Variants in PSD3 observed in about 807,000 individuals in gnomAD.
PSD3 encodes pleckstrin and Sec7 domain containing 3.
PSD3 carries 49 observed loss-of-function variants against 105.5 expected under a neutral mutation model. That is an observed-to-expected ratio of 0.46 (90% CI 0.37 to 0.59). The LOEUF (loss-of-function observed/expected upper bound fraction) is 0.59, where lower values mean the gene tolerates loss of function less well. PSD3 is among the 20% of genes least tolerant of loss of function. The pLI is 0.00. For synonymous variants in PSD3, 557 were observed against 457.8 expected (o/e 1.22, Z -2.77); for missense variants, 1,561 against 1,263.8 (o/e 1.24, Z -3.57).
rs917747489 is a variant in PSD3, at chr8:18,766,256, C to T, written c.2083-718G>A. 7.2e-5 allele frequency among the ~76,000 whole-genome samples: 11 copies of T among 152,240 alleles called. No individual in the cohort carries two copies. In the South Asian group the frequency reaches 1.9e-3, roughly 26 times the overall value. ...GGTTGAGGCATGAGAATCACTTGAA[C>T]CCAGGAGGCAGAGGTTGCAGTGAGT... On this transcript the variant is annotated intron_variant, in intron 8 of 15. Transcript: ENST00000327040.
At chr8:18,835,471 C>G (rs1182971800) in intron 4 of PSD3, among the ~76,000 whole-genome samples, 1 of 152,164 alleles carries the variant, frequency 6.6e-6, no homozygotes, top group Non-Finnish European at 1.5e-5. Context: ...AGGAACTTTT[C>G]TAGATTCAGG....
At chr8:18,992,371 G>A (rs1825853168) in intron 1 of PSD3, among the ~76,000 whole-genome samples, 1 of 151,990 alleles carries the variant, frequency 6.6e-6, no homozygotes, top group African/African-American at 2.4e-5. Context: ...TCATCTCACA[G>A]TAAAAGCTAA....
At chr8:18,639,871 T>C (rs903357493) in intron 10 of PSD3, among the ~76,000 whole-genome samples, 1 of 152,182 alleles carries the variant, frequency 6.6e-6, no homozygotes, top group Non-Finnish European at 1.5e-5. Flanking sequence ...GAAGAAAAAC[T>C]GGGACAACTG....
intron 9 of PSD3, among the ~76,000 whole-genome samples, chr8:18,665,257 T>C (rs1038162130): frequency 1.3e-5 from 2 of 152,236 alleles, no homozygotes; most frequent in African/African-American, 4.8e-5. Context: ...ACATCTGTGA[T>C]TCATGGGAGG....
At chr8:19,068,968 C>T (rs1178185076) in intron 1 of PSD3, among the ~76,000 whole-genome samples, 1 of 152,048 alleles carries the variant, frequency 6.6e-6, no homozygotes, top group African/African-American at 2.4e-5. Flanking sequence ...TCTTTGGGCT[C>T]CCCTCCCCCA....
intron 9 of PSD3, among the ~76,000 whole-genome samples, chr8:18,693,992 C>A (rs193188905): frequency 1.5e-3 from 231 of 152,236 alleles, no homozygotes; most frequent in African/African-American, 5.0e-3. Context: ...ACACTGGACC[C>A]TGAATGCTAG....
chr8:18,586,616 G>A (rs1215708321), intron 12 of PSD3, among the ~76,000 whole-genome samples: 1 of 152,022 alleles, frequency 6.6e-6, no homozygotes, highest in African/African-American at 2.4e-5. Flanking sequence ...GGTCTTCAAA[G>A]CCAGCCATTA....
Position 18,881,806 on chromosome 8 carries a change from T to A in PSD3, c.131-9073A>T, listed in dbSNP as rs150720045. On this transcript the variant is annotated intron_variant, in intron 2 of 15. Coordinates refer to ENST00000327040, the MANE Select transcript of PSD3 (RefSeq NM_015310.4). The stretch of plus-strand genomic sequence containing the variant: ...TAAAAGGCAAGAACTTTATTTGCTT[T>A]CTTTACAATTATATCTCCAGAGCCT... Among the ~76,000 whole-genome samples the A allele has an allele frequency of 9.1e-4, 138 of 152,350 alleles. No individual in the cohort carries two copies. The East Asian group carries it at 0.019, about 21-fold the overall frequency.
chr8:18,686,188 A>G (rs1800653269), intron 9 of PSD3, among the ~76,000 whole-genome samples: 1 of 152,270 alleles, frequency 6.6e-6, no homozygotes, highest in South Asian at 2.1e-4. Context: ...TGTCTCCACT[A>G]ATAACCACTT....
chr8:18,700,150 G>A (rs1585657879), intron 9 of PSD3, among the ~76,000 whole-genome samples: 2 of 152,058 alleles, frequency 1.3e-5, no homozygotes, highest in South Asian at 2.1e-4. Flanking sequence ...ACCATCTTTT[G>A]GGACTGTTGT....
At chr8:18,955,344 G>A (rs558262261) in intron 1 of PSD3, among the ~76,000 whole-genome samples, 163 of 152,248 alleles carry the variant, frequency 1.1e-3, no homozygotes, top group Middle Eastern at 3.4e-3. Flanking sequence ...GGACTCAAGG[G>A]ATCCTCCCTC....
chr8:18,827,439 G>C (rs1028376076), intron 4 of PSD3, among the ~76,000 whole-genome samples: 1 of 152,194 alleles, frequency 6.6e-6, no homozygotes, highest in Admixed American at 6.5e-5. Context: ...CAGTCAGAGA[G>C]GGGCGTGGAA....
chr8:18,768,017 T>C (rs1342152365), intron 8 of PSD3, among the ~76,000 whole-genome samples: 1 of 145,158 alleles, frequency 6.9e-6, no homozygotes, highest in Non-Finnish European at 1.5e-5. Flanking sequence ...ACACCTATAA[T>C]CCCAGCACTT....
At chr8:19,019,268 T>C (rs76148467) in intron 1 of PSD3, among the ~76,000 whole-genome samples, 2,009 of 152,324 alleles carry the variant, frequency 0.013, 49 homozygotes, top group African/African-American at 0.046. Flanking sequence ...TTTATCTCTA[T>C]TATGAGTTTT....
rs567938720 is a variant in PSD3, at chr8:18,647,018, C to T, written c.2216+8624G>A. ...ATAGTAATCCCATTGCCTCTATCAT[C>T]CCCCAAGAATACACACAGAGATGTA... On this transcript the variant is annotated intron_variant, in intron 10 of 15. Transcript: ENST00000327040. Among the ~76,000 whole-genome samples, 259 of 152,288 alleles carry T rather than the reference C, an allele frequency of 1.7e-3. 1 individual carries two copies. Among genetic ancestry groups the T allele is most frequent in the African/African-American group, 5.9e-3 (247 of 41,562 alleles).
chr8:19,022,126 A>G (rs574242684), intron 1 of PSD3, among the ~76,000 whole-genome samples: 1 of 152,204 alleles, frequency 6.6e-6, no homozygotes, highest in African/African-American at 2.4e-5. Flanking sequence ...TTTTAAAACA[A>G]CCAGATCTCA....
intron 9 of PSD3, among the ~76,000 whole-genome samples, chr8:18,711,830 C>A (rs1361894637): frequency 2.0e-5 from 3 of 152,158 alleles, no homozygotes; most frequent in Non-Finnish European, 4.4e-5. Flanking sequence ...AATACACATT[C>A]TTTTTATCAC....
Position 18,867,663 on chromosome 8 carries a change from G to A in PSD3, c.1634+11C>T. 6.3e-7 allele frequency: 1 copy of A among 1,588,524 alleles called. No homozygotes were observed. The highest frequency in any genetic ancestry group is 1.1e-5 in the South Asian group (1 of 87,010). ...CCACCAGCATGAAATGAATGAGAAT[G>A]GGACGAGTACCTTCCCCAGAAAGCA... is the stretch of plus-strand genomic sequence containing the variant. On this transcript the variant is annotated intron_variant, in intron 4 of 15. Transcript: ENST00000327040.
intron 1 of PSD3, among the ~76,000 whole-genome samples, chr8:18,989,746 G>A (rs1219303798): frequency 6.6e-6 from 1 of 152,148 alleles, no homozygotes; most frequent in Non-Finnish European, 1.5e-5. Context: ...CCTCTCAAGA[G>A]CCACCCTGCA....
Sources: allele counts gnomAD v4.1 joint callset (sites outside exome capture counted in the v4.1 genomes callset), GRCh38; gene constraint gnomAD v4.1.1; transcripts MANE v1.5; gene names NCBI Gene and HGNC (gene_info 2026-07-23, HGNC 2026-07-21).